AKR1C8: variants seen among roughly 807,000 people sequenced by gnomAD.
AKR1C8 encodes aldo-keto reductase family 1 member C-like protein 1.
chr10:5,152,073 A>T, the AKR1C8 span, among the ~76,000 whole-genome samples: 6 of 152,102 alleles, frequency 3.9e-5, no homozygotes, highest in Admixed American at 2.6e-4. Flanking sequence ...TAGCATTTAA[A>T]CAAACAGCAT....
At chr10:5,135,419 G>GT in the AKR1C8 span, among the ~76,000 whole-genome samples, 1 of 152,106 alleles carries the variant, frequency 6.6e-6, no homozygotes, top group Non-Finnish European at 1.5e-5. Flanking sequence ...CAGTGCACTT[G>GT]TTTTTTATCA....
the AKR1C8 span, among the ~76,000 whole-genome samples, chr10:5,122,881 T>C: frequency 1.3e-5 from 2 of 151,622 alleles, no homozygotes; most frequent in South Asian, 4.2e-4. Context: ...GGTACTACTA[T>C]AAAGAAAACT....
the AKR1C8 span, chr10:5,160,011 G>A: frequency 2.7e-6 from 1 of 366,096 alleles, no homozygotes. Context: ...AGGGCCTGGG[G>A]AGGAAGGATA....
At chr10:5,118,776 C>A in the AKR1C8 span, among the ~76,000 whole-genome samples, 1 of 152,122 alleles carries the variant, frequency 6.6e-6, no homozygotes. Context: ...AGTGAAACAT[C>A]AGAGAGCAAA....
At chr10:5,160,972 C>T in the AKR1C8 span, 1 of 447,190 alleles carries the variant, frequency 2.2e-6, no homozygotes, top group Non-Finnish European at 4.6e-6. Flanking sequence ...GCCAAACAAC[C>T]TTCAAGAGTT....
the AKR1C8 span, among the ~76,000 whole-genome samples, chr10:5,160,597 T>C: frequency 1.3e-5 from 2 of 152,302 alleles, no homozygotes; most frequent in South Asian, 2.1e-4. Flanking sequence ...GGTGCCTCTA[T>C]GTCTACTTAG....
the AKR1C8 span, among the ~76,000 whole-genome samples, chr10:5,161,340 G>A: frequency 2.1e-4 from 32 of 152,288 alleles, no homozygotes; most frequent in African/African-American, 7.2e-4. Flanking sequence ...GACATCAGAA[G>A]TGCTCAGCCA....
chr10:5,175,023 T>C, the AKR1C8 span, among the ~76,000 whole-genome samples: 2 of 152,032 alleles, frequency 1.3e-5, no homozygotes, highest in Admixed American at 1.3e-4. Context: ...AATGTGCAGG[T>C]TTGTTACATA....
chr10:5,119,399 CAT>C, the AKR1C8 span, among the ~76,000 whole-genome samples: 1 of 151,964 alleles, frequency 6.6e-6, no homozygotes, highest in Non-Finnish European at 1.5e-5. Context: ...ACATAATCTA[CAT>C]GTAGAAGATG....
At chr10:5,118,419 T>G in the AKR1C8 span, among the ~76,000 whole-genome samples, 1 of 152,102 alleles carries the variant, frequency 6.6e-6, no homozygotes, top group African/African-American at 2.4e-5. Context: ...TTCTGTGAAA[T>G]GGGAGTCTTA....
the AKR1C8 span, among the ~76,000 whole-genome samples, chr10:5,116,898 T>A: frequency 6.6e-6 from 1 of 152,150 alleles, no homozygotes; most frequent in Non-Finnish European, 1.5e-5. Flanking sequence ...AAGCGTAGCA[T>A]TCGTATGTGT....
chr10:5,117,628 G>T, the AKR1C8 span, among the ~76,000 whole-genome samples: 2 of 152,202 alleles, frequency 1.3e-5, no homozygotes, highest in East Asian at 3.9e-4. Flanking sequence ...AGGTTTGTTG[G>T]CTCACAGTCT....
chr10:5,127,417 G>T, the AKR1C8 span, among the ~76,000 whole-genome samples: 6 of 151,984 alleles, frequency 3.9e-5, no homozygotes, highest in Admixed American at 6.6e-5. Flanking sequence ...AACCCAATCA[G>T]ACAATAAGAA....
chr10:5,126,515 C>T, the AKR1C8 span, among the ~76,000 whole-genome samples: 1 of 152,092 alleles, frequency 6.6e-6, no homozygotes, highest in South Asian at 2.1e-4. Flanking sequence ...GCTCTCCCAA[C>T]CACATTGGGT....
the AKR1C8 span, among the ~76,000 whole-genome samples, chr10:5,166,626 C>T: frequency 6.6e-6 from 1 of 152,116 alleles, no homozygotes; most frequent in Non-Finnish European, 1.5e-5. Flanking sequence ...ACACCTTATA[C>T]AAAAATTAAT....
the AKR1C8 span, chr10:5,158,456 A>G: frequency 1.7e-4 from 61 of 359,972 alleles, no homozygotes; most frequent in Admixed American, 6.8e-4. Flanking sequence ...CAGTAGTGAT[A>G]CATGGGAACA....
the AKR1C8 span, among the ~76,000 whole-genome samples, chr10:5,121,413 T>C: frequency 6.6e-6 from 1 of 152,124 alleles, no homozygotes; most frequent in African/African-American, 2.4e-5. Context: ...GCACTGAGGG[T>C]CTATTAATTT....
At chr10:5,163,629 G>T in the AKR1C8 span, among the ~76,000 whole-genome samples, 1 of 152,148 alleles carries the variant, frequency 6.6e-6, no homozygotes, top group Non-Finnish European at 1.5e-5. Context: ...AGATAAAAAA[G>T]TTAGTAAGTT....
At chr10:5,173,909 C>A in the AKR1C8 span, among the ~76,000 whole-genome samples, 3 of 152,022 alleles carry the variant, frequency 2.0e-5, no homozygotes, top group South Asian at 2.1e-4. Flanking sequence ...CTCTGTCTTA[C>A]CACCCTTAAT....
Sources: allele counts gnomAD v4.1 joint callset (sites outside exome capture counted in the v4.1 genomes callset), GRCh38; gene constraint gnomAD v4.1.1; transcripts MANE v1.5; gene names NCBI Gene and HGNC (gene_info 2026-07-23, HGNC 2026-07-21).